OLR1: variants seen among roughly 807,000 people sequenced by gnomAD.
OLR1 encodes oxidized low density lipoprotein receptor 1, also known as oxidized low-density lipoprotein receptor 1.
In OLR1, 23 loss-of-function variants were observed where a neutral mutation model predicts 31.7. The ratio of observed to expected loss-of-function variants is 0.72; its 90% CI spans 0.52 to 1.03. The LOEUF is 1.03. Ranked by LOEUF, OLR1 falls within the 50% of genes least tolerant of loss-of-function variation. OLR1 has a pLI of 0.00. For missense variants in OLR1, 286 were observed against 315.7 expected (o/e 0.91, Z 0.71); for synonymous variants, 117 against 115.8 (o/e 1.01, Z -0.07).
At position 10,161,944 on chromosome 12, in the gene OLR1, T is replaced by TA. The variant is rs869134319; in HGVS notation, c.425-1020dup. On this transcript the variant is annotated intron_variant, in intron 3 of 5. Transcript: ENST00000309539. ...TTAATGATATATATATATATATATA[T>TA]AAAAAACACATACTATATTTCTTTT... Among the ~76,000 whole-genome samples the TA allele has an allele frequency of 3.5e-3, 188 of 53,172 alleles. 2 individuals carry two copies. Among genetic ancestry groups the TA allele is most frequent in the African/African-American group, 0.012 (175 of 14,970 alleles). 34.9% of individuals were successfully genotyped at this position (53,172 alleles called of 152,430 possible). A position where few individuals can be genotyped will look rare whatever the true frequency, so the allele number is the denominator to read the frequency against.
At chr12:10,160,145 G>A in intron 5 of OLR1, 124 bp from the exon 6 acceptor site, 1 of 1,130,654 alleles carries the variant, frequency 8.8e-7, no homozygotes, top group Admixed American at 2.4e-5. Context: ...AATGTGGGAA[G>A]GAAAACTCAA....
upstream of OLR1, chr12:10,172,157 G>C: frequency 1.1e-6 from 1 of 911,314 alleles, no homozygotes; most frequent in Non-Finnish European, 1.8e-6. Flanking sequence ...TTCTGCAGAA[G>C]TATTTAAATA....
At chr12:10,169,037 G>A in intron 2 of OLR1, 37 bp downstream of exon 2, 1 of 1,420,304 alleles carries the variant, frequency 7.0e-7, no homozygotes, top group South Asian at 1.2e-5. Flanking sequence ...CAACACCCCT[G>A]CCCCAATAAA....
intron 3 of OLR1, among the ~76,000 whole-genome samples, chr12:10,163,880 T>G (rs867039831): frequency 5.3e-5 from 8 of 151,794 alleles, no homozygotes; most frequent in Middle Eastern, 3.4e-3. Flanking sequence ...GCAGTGAGCC[T>G]AGATCGCACC....
At chr12:10,169,332 GC>G in intron 1 of OLR1, 157 bp from the exon 2 acceptor site, 2 of 485,202 alleles carry the variant, frequency 4.1e-6, no homozygotes. Context: ...CCTCCAAATG[GC>G]TCTGCAAATA....
rs1329818069 is a variant in OLR1, at chr12:10,158,728, A to G, written c.*1152T>C. Reference sequence around the variant, plus strand: ...AAATATGTTCAGTTTATTTTATGTTAATTATATCTCAATAAAGCTTTTAAC... The same window carrying G: ...AAATATGTTCAGTTTATTTTATGTTGATTATATCTCAATAAAGCTTTTAAC... On this transcript the variant is annotated 3_prime_UTR_variant, in exon 6 of 6. Coordinates refer to ENST00000309539, the MANE Select transcript of OLR1 (RefSeq NM_002543.4). 1 of 152,158 alleles carries G rather than the reference A, an allele frequency of 6.6e-6. No individual in the cohort carries two copies. Among genetic ancestry groups the G allele is most frequent in the African/African-American group, 2.4e-5 (1 of 41,440 alleles). 9.4% of individuals were successfully genotyped at this position (152,158 alleles called of 1,614,324 possible). A position where few individuals can be genotyped will look rare whatever the true frequency, so the allele number is the denominator to read the frequency against.
intron 2 of OLR1, 104 bp from the exon 3 acceptor site, chr12:10,167,061 A>G (rs1009772307): frequency 8.8e-7 from 1 of 1,137,424 alleles, no homozygotes; most frequent in Non-Finnish European, 1.2e-6. Flanking sequence ...TTGACAATAG[A>G]TAAGCTGCTG....
At chr12:10,173,526 T>C (rs577666200), upstream of OLR1, among the ~76,000 whole-genome samples, 1 of 141,264 alleles carries the variant, frequency 7.1e-6, no homozygotes, top group East Asian at 2.2e-4. Flanking sequence ...ATGCCTGTAA[T>C]CTCAGCACTT....
At chr12:10,163,092 A>C (rs1349512813) in intron 3 of OLR1, among the ~76,000 whole-genome samples, 1 of 152,182 alleles carries the variant, frequency 6.6e-6, no homozygotes, top group Non-Finnish European at 1.5e-5. Flanking sequence ...ATCACTCACT[A>C]TGTGCCAGAA....
chr12:10,168,846 C>CA (rs1259062938), intron 2 of OLR1, among the ~76,000 whole-genome samples: 1 of 151,968 alleles, frequency 6.6e-6, no homozygotes, highest in Non-Finnish European at 1.5e-5. Context: ...AACAAACAAA[C>CA]AAAAAAATGC....
chr12:10,166,687 T>A (rs771243550), intron 3 of OLR1, 25 bp downstream of exon 3: 3 of 1,613,160 alleles, frequency 1.9e-6, no homozygotes, highest in Non-Finnish European at 2.5e-6. Flanking sequence ...CCACTATGTC[T>A]CCTTACCCAC....
At chr12:10,166,680 C>T (rs772241685) in intron 3 of OLR1, 32 bp downstream of exon 3, 2 of 1,612,102 alleles carry the variant, frequency 1.2e-6, no homozygotes, top group Admixed American at 3.3e-5. Flanking sequence ...AAAGCTTCCA[C>T]TATGTCTCCT....
intron 1 of OLR1, among the ~76,000 whole-genome samples, chr12:10,171,765 T>G (rs2137528635): frequency 6.6e-6 from 1 of 152,358 alleles, no homozygotes; most frequent in African/African-American, 2.4e-5. Context: ...GAAATAATAC[T>G]CTGAAAGTGA....
rs529976709 is a variant in OLR1, at chr12:10,163,252, A to G, written c.425-2327T>C. Among the ~76,000 whole-genome samples, 109 of 152,156 alleles carry G rather than the reference A, an allele frequency of 7.2e-4. 2 individuals are homozygous for G. The South Asian group carries it at 0.02, about 28-fold the overall frequency. The stretch of plus-strand genomic sequence containing the variant: ...AGAGTCTGGGTGTTTCACCACTATA[A>G]CATACTACCTTTCAAACTTCTAAGT... On this transcript the variant is annotated intron_variant, in intron 3 of 5. Coordinates refer to ENST00000309539, the MANE Select transcript of OLR1 (RefSeq NM_002543.4).
At chr12:10,171,657 C>G (rs1948719178) in intron 1 of OLR1, among the ~76,000 whole-genome samples, 1 of 152,148 alleles carries the variant, frequency 6.6e-6, no homozygotes, top group Non-Finnish European at 1.5e-5. Context: ...CTCCGTGAAA[C>G]TGGATGATGT....
upstream of OLR1, among the ~76,000 whole-genome samples, chr12:10,173,801 C>A (rs1948744828): frequency 6.7e-6 from 1 of 149,706 alleles, no homozygotes; most frequent in South Asian, 2.1e-4. Context: ...AATACTGAAA[C>A]GATATCACAC....
At chr12:10,165,737 G>A (rs769332420) in intron 3 of OLR1, among the ~76,000 whole-genome samples, 1 of 151,426 alleles carries the variant, frequency 6.6e-6, no homozygotes, top group Admixed American at 6.6e-5. Context: ...TTCCAGCCTG[G>A]GTGTGACACA....
intron 3 of OLR1, among the ~76,000 whole-genome samples, chr12:10,161,883 T>G (rs1169275161): frequency 6.6e-6 from 1 of 150,662 alleles, no homozygotes; most frequent in African/African-American, 2.4e-5. Context: ...TAATTTTATC[T>G]GCTTCTTTTT....
intron 4 of OLR1, 103 bp downstream of exon 4, chr12:10,160,683 A>T: frequency 6.9e-7 from 1 of 1,443,168 alleles, no homozygotes; most frequent in South Asian, 1.3e-5. Flanking sequence ...AAAAAAACAG[A>T]CATTTTGGCT....
Sources: gnomAD v4.1 joint callset for allele counts (sites outside exome capture counted in the v4.1 genomes callset) on GRCh38, gnomAD v4.1.1 for gene constraint, MANE v1.5 for transcripts, NCBI Gene and HGNC (gene_info 2026-07-23, HGNC 2026-07-21) for gene names.